Variants in DRC11 observed in about 807,000 individuals in gnomAD.
DRC11 encodes dynein regulatory complex subunit 11.
chr2:236,417,461 A>G, the DRC11 span, among the ~76,000 whole-genome samples: 1 of 151,992 alleles, frequency 6.6e-6, no homozygotes, highest in African/African-American at 2.4e-5. Flanking sequence ...TCTGAGCTGG[A>G]GCTGGGTCAC....
chr2:236,449,193 G>T, the DRC11 span, among the ~76,000 whole-genome samples: 1 of 152,196 alleles, frequency 6.6e-6, no homozygotes, highest in South Asian at 2.1e-4. This position sits in a 1 kb window ranked among gnomAD's most constrained non-coding sequence, Gnocchi z 5.1. Context: ...AACTGGGCCT[G>T]ACACTAGGAA....
the DRC11 span, chr2:236,368,497 A>G: frequency 2.3e-5 from 13 of 558,028 alleles, no homozygotes; most frequent in Admixed American, 4.3e-4. Flanking sequence ...CAGGCAAGAA[A>G]GCCCTGCTCT....
the DRC11 span, among the ~76,000 whole-genome samples, chr2:236,491,179 A>ACACACAG: frequency 1.9e-5 from 1 of 52,986 alleles, no homozygotes; most frequent in Non-Finnish European, 3.6e-5. Context: ...ATATATATAT[A>ACACACAG]TACACACAGT....
At chr2:236,341,656 G>C in the DRC11 span, among the ~76,000 whole-genome samples, 1 of 152,196 alleles carries the variant, frequency 6.6e-6, no homozygotes, top group Non-Finnish European at 1.5e-5. Flanking sequence ...GGGCCGCAGG[G>C]ATGCGGTGTG....
chr2:236,357,324 ATATT>A, the DRC11 span, among the ~76,000 whole-genome samples: 4 of 113,528 alleles, frequency 3.5e-5, no homozygotes, highest in African/African-American at 1.6e-4. Flanking sequence ...TATATTATAT[ATATT>A]CATATATGAA....
chr2:236,362,978 G>A, the DRC11 span, among the ~76,000 whole-genome samples: 1 of 152,138 alleles, frequency 6.6e-6, no homozygotes, highest in Non-Finnish European at 1.5e-5. This position sits in a 1 kb window ranked among gnomAD's most constrained non-coding sequence, Gnocchi z 5.7. Context: ...CCTGTAAACT[G>A]CCTCGTTGAT....
chr2:236,423,542 C>T, the DRC11 span, among the ~76,000 whole-genome samples: 1 of 152,178 alleles, frequency 6.6e-6, no homozygotes, highest in Non-Finnish European at 1.5e-5. Flanking sequence ...ACTAAAAAGT[C>T]AGGCAACAAC....
At chr2:236,499,221 T>C in the DRC11 span, among the ~76,000 whole-genome samples, 1 of 152,128 alleles carries the variant, frequency 6.6e-6, no homozygotes, top group Non-Finnish European at 1.5e-5. The surrounding 1 kb of genome is among the most constrained non-coding windows in gnomAD (Gnocchi z 4.7). Flanking sequence ...CTCTGGGGTG[T>C]ACAAGTGATT....
At chr2:236,504,647 T>C in the DRC11 span, among the ~76,000 whole-genome samples, 3 of 152,144 alleles carry the variant, frequency 2.0e-5, no homozygotes, top group Non-Finnish European at 4.4e-5. The surrounding 1 kb of genome is among the most constrained non-coding windows in gnomAD (Gnocchi z 5.0). Flanking sequence ...TTTGGCTGTG[T>C]CCCGACCCAA....
chr2:236,491,159 GTA>G, the DRC11 span, among the ~76,000 whole-genome samples: 5,175 of 39,812 alleles, frequency 0.13, 424 homozygotes, highest in Non-Finnish European at 0.16. Context: ...TATACACACA[GTA>G]TATATATATA....
chr2:236,380,811 C>A, the DRC11 span, among the ~76,000 whole-genome samples: 1 of 152,120 alleles, frequency 6.6e-6, no homozygotes, highest in Non-Finnish European at 1.5e-5. The surrounding 1 kb of genome is among the most constrained non-coding windows in gnomAD (Gnocchi z 4.9). Context: ...CCTGGAAAAT[C>A]CCAAGTTGCT....
the DRC11 span, among the ~76,000 whole-genome samples, chr2:236,447,790 C>T: frequency 1.3e-4 from 19 of 150,872 alleles, no homozygotes; most frequent in Non-Finnish European, 2.5e-4. This position sits in a 1 kb window ranked among gnomAD's most constrained non-coding sequence, Gnocchi z 4.6. Flanking sequence ...TTTTCTGCAT[C>T]GCTGGTTCCA....
At chr2:236,445,007 G>A in the DRC11 span, among the ~76,000 whole-genome samples, 1 of 152,192 alleles carries the variant, frequency 6.6e-6, no homozygotes, top group South Asian at 2.1e-4. This position sits in a 1 kb window ranked among gnomAD's most constrained non-coding sequence, Gnocchi z 4.8. Context: ...CCCGTGCATC[G>A]CCCAGCCTGG....
chr2:236,461,305 T>C, the DRC11 span, among the ~76,000 whole-genome samples: 3 of 152,186 alleles, frequency 2.0e-5, no homozygotes, highest in African/African-American at 7.2e-5. This position sits in a 1 kb window ranked among gnomAD's most constrained non-coding sequence, Gnocchi z 4.0. Context: ...TCATGAACAT[T>C]GAGCACACAG....
chr2:236,440,539 C>T, the DRC11 span, among the ~76,000 whole-genome samples: 1 of 152,162 alleles, frequency 6.6e-6, no homozygotes, highest in Non-Finnish European at 1.5e-5. Context: ...ACTGAAGCAT[C>T]TATAGAGATG....
the DRC11 span, among the ~76,000 whole-genome samples, chr2:236,378,060 G>A: frequency 6.6e-6 from 1 of 152,140 alleles, no homozygotes; most frequent in African/African-American, 2.4e-5. Context: ...TGTGATCCAA[G>A]TTAGTGTGAT....
At chr2:236,407,216 CTA>C in the DRC11 span, among the ~76,000 whole-genome samples, 1 of 152,362 alleles carries the variant, frequency 6.6e-6, no homozygotes, top group East Asian at 1.9e-4. Context: ...AGTGGGAAGT[CTA>C]AAAATGTACA....
the DRC11 span, among the ~76,000 whole-genome samples, chr2:236,363,068 C>T: frequency 6.6e-6 from 1 of 152,188 alleles, no homozygotes; most frequent in Admixed American, 6.5e-5. The surrounding 1 kb of genome is among the most constrained non-coding windows in gnomAD (Gnocchi z 5.6). Context: ...ACAGTGTTTG[C>T]CACCATGTAG....
At chr2:236,495,612 G>A in the DRC11 span, among the ~76,000 whole-genome samples, 12 of 152,086 alleles carry the variant, frequency 7.9e-5, no homozygotes, top group Admixed American at 2.0e-4. The surrounding 1 kb of genome is among the most constrained non-coding windows in gnomAD (Gnocchi z 5.6). Context: ...CATAGTCTTC[G>A]GACTAAGGGG....
Sources: gnomAD v4.1 joint callset for allele counts (sites outside exome capture counted in the v4.1 genomes callset) on GRCh38, gnomAD v4.1.1 for gene constraint, Gnocchi (gnomAD v3.1) non-coding constraint, MANE v1.5 for transcripts, NCBI Gene and HGNC (gene_info 2026-07-23, HGNC 2026-07-21) for gene names.